The following PZP variants were observed in gnomAD, a reference collection of about 807,000 sequenced individuals.
The protein encoded by PZP is pregnancy zone protein.
In PZP, 150 loss-of-function variants were observed where a neutral mutation model predicts 179.8. The ratio of observed to expected loss-of-function variants is 0.83; its 90% CI spans 0.73 to 0.96. The LOEUF (loss-of-function observed/expected upper bound fraction) is 0.96, where lower values mean the gene tolerates loss of function less well. PZP is among the 40% of genes least tolerant of loss of function. The pLI, the probability that PZP is intolerant of heterozygous loss-of-function variation, is 0.00. For synonymous variants in PZP, 624 were observed against 652.3 expected, an observed-to-expected ratio of 0.96 and a Z score of 0.66; for missense variants, 1,689 against 1,764.0, an observed-to-expected ratio of 0.96 and a Z score of 0.76.
In PZP at chr12:9,166,924, T is replaced by G. The variant is rs760294271; in HGVS notation, c.2108-722A>C. 1.4e-3 allele frequency: 211 copies of G among 152,282 alleles called. 1 individual carries two copies. The highest frequency in any genetic ancestry group is 4.7e-3 in the African/African-American group (195 of 41,566). 9.4% of individuals were successfully genotyped at this position (152,282 alleles called of 1,614,324 possible). ...CTTACTAATTGAATTTGATTTAAGA[T>G]CTCCCTCCATGTATCCCATCTGATA... On this transcript the variant is annotated intron_variant, in intron 17 of 35. Coordinates refer to ENST00000261336, the MANE Select transcript of PZP (RefSeq NM_002864.3).
chr12:9,158,405 T>A lies in PZP; in HGVS notation c.3294+15A>T. On this transcript the variant is annotated intron_variant, in intron 26 of 35. Coordinates refer to ENST00000261336, the MANE Select transcript of PZP (RefSeq NM_002864.3). ...TTGATGTGTGTCAGGCTCAGAAGTT[T>A]GTGGAACAGTTCACCTTTATGGCAT... The A allele has an allele frequency of 6.2e-7, 1 of 1,613,906 alleles. No individual in the cohort carries two copies. Among genetic ancestry groups the A allele is most frequent in the Non-Finnish European group, 8.5e-7 (1 of 1,179,860 alleles).
chr12:9,142,196 T>A, the PZP span, among the ~76,000 whole-genome samples: 3 of 152,216 alleles, frequency 2.0e-5, no homozygotes. Flanking sequence ...CAAAGCAAAC[T>A]TCCTTCATGT....
intron 13 of PZP, among the ~76,000 whole-genome samples, chr12:9,184,904 GA>G (rs369056829): frequency 7.7e-4 from 117 of 152,236 alleles, no homozygotes; most frequent in African/African-American, 2.8e-3. Context: ...CAAGGTCATC[GA>G]ATAGGATAAA....
intron 32 of PZP, 27 bp downstream of exon 32, chr12:9,152,193 A>C (rs1264653993): frequency 6.8e-7 from 1 of 1,464,084 alleles, no homozygotes; most frequent in Non-Finnish European, 9.6e-7. Context: ...TTTTGTATGA[A>C]GTCTATTAGG....
chr12:9,155,320 C>G (rs1726040944), intron 28 of PZP, among the ~76,000 whole-genome samples: 1 of 152,004 alleles, frequency 6.6e-6, no homozygotes, highest in African/African-American at 2.4e-5. Context: ...CCAACTGAAT[C>G]AGTCCGTTTT....
the PZP span, among the ~76,000 whole-genome samples, chr12:9,137,218 T>C: frequency 6.6e-6 from 1 of 152,188 alleles, no homozygotes; most frequent in African/African-American, 2.4e-5. Context: ...TGGTGTAAGA[T>C]AAACATCAAA....
the PZP span, among the ~76,000 whole-genome samples, chr12:9,137,138 C>T: frequency 6.6e-6 from 1 of 152,018 alleles, no homozygotes. Flanking sequence ...TTTATTTTTT[C>T]TTATATCAGT....
chr12:9,156,771 G>C (rs1940785035), intron 28 of PZP, among the ~76,000 whole-genome samples: 1 of 152,156 alleles, frequency 6.6e-6, no homozygotes, highest in Non-Finnish European at 1.5e-5. Flanking sequence ...AGGAATTACA[G>C]ATGAAGCTTG....
Position 9,182,132 on chromosome 12 carries a change from G to GAGTGATACAAAATGGTCATA in PZP, c.1547-16_1547-15insTATGACCATTTTGTATCACT. On this transcript the variant is annotated splice_polypyrimidine_tract_variant and intron_variant, in intron 13 of 35. Coordinates refer to ENST00000261336, the MANE Select transcript of PZP (RefSeq NM_002864.3). Reference sequence around the variant, plus strand: ...ACTGCCTTTCACTGGAACATGGAGAGAGTGAGACAAAATGGTCATAAGTGA... The same window carrying GAGTGATACAAAATGGTCATA: ...ACTGCCTTTCACTGGAACATGGAGAGAGTGATACAAAATGGTCATAAGTGAGACAAAATGGTCATAAGTGA... The GAGTGATACAAAATGGTCATA allele has an allele frequency of 6.4e-7, 1 of 1,554,332 alleles. No homozygotes were observed. Among genetic ancestry groups the GAGTGATACAAAATGGTCATA allele is most frequent in the Non-Finnish European group, 8.7e-7 (1 of 1,146,646 alleles).
At position 9,153,133 on chromosome 12, in the gene PZP, A is replaced by T; in HGVS notation, c.3985T>A (p.Tyr1329Asn). The T allele has an allele frequency of 1.2e-6, 2 of 1,614,018 alleles. No homozygotes were observed. Among genetic ancestry groups the T allele is most frequent in the Non-Finnish European group, 1.7e-6 (2 of 1,179,842 alleles). Residue 1329 changes from tyrosine (Y) to asparagine (N), a missense_variant, in exon 30 of 36, where the codon TAT (tyrosine) becomes AAT (asparagine). This residue lies in a region of PZP where 746 missense variants were observed against 749.2 expected (regional missense o/e 1.00). Coordinates refer to ENST00000261336, the MANE Select transcript of PZP (RefSeq NM_002864.3). ...TAAGCTTGGAGCCCTACCTGAAGAT[A>T]CACACATCTTTCCCCAGTTACTGTT... ...VITVTGERCV[Y>N]LQTSMKYNIL...
Position 9,160,492 on chromosome 12 carries a change from T to G in PZP, c.2873-2A>C, listed in dbSNP as rs1203080909. ...GCATAGCAGAACCTAATATGTCACC[T>G]GGGGAATGTGAAAGATTAGATGTCA... On this transcript the variant is annotated splice_acceptor_variant, in intron 23 of 35. Transcript: ENST00000261336. LOFTEE classifies it high-confidence loss of function. 2 of 1,608,642 alleles carry G rather than the reference T, an allele frequency of 1.2e-6. No individual in the cohort carries two copies. Among genetic ancestry groups the G allele is most frequent in the African/African-American group, 1.3e-5 (1 of 74,700 alleles).
chr12:9,192,773 T>A, intron 11 of PZP, 34 bp from the exon 12 acceptor site: 1 of 1,432,206 alleles, frequency 7.0e-7, no homozygotes, highest in Non-Finnish European at 9.8e-7. Context: ...AAGAATACTG[T>A]CTTGAAATTC....
rs139015185 is a variant in PZP, at chr12:9,207,647, A to G, written c.83+612T>C. Among the ~76,000 whole-genome samples, 552 of 152,316 alleles carry G rather than the reference A, an allele frequency of 3.6e-3. 2 individuals are homozygous for G. Among genetic ancestry groups the G allele is most frequent in the Non-Finnish European group, 5.2e-3 (352 of 68,034 alleles). ...AGAAGTCAGACTGACAGTAGCCAAG[A>G]AGGACGGAGAACTTTGAGACCAAGG... On this transcript the variant is annotated intron_variant, in intron 1 of 35. Coordinates refer to ENST00000261336, the MANE Select transcript of PZP (RefSeq NM_002864.3).
chr12:9,156,814 G>A (rs758121377), intron 28 of PZP, among the ~76,000 whole-genome samples: 1 of 152,216 alleles, frequency 6.6e-6, no homozygotes, highest in East Asian at 1.9e-4. Context: ...TCTTCTTTTT[G>A]TAGAATCAGT....
chr12:9,156,332 A>G (rs1592447986), intron 28 of PZP: 2 of 207,084 alleles, frequency 9.7e-6, no homozygotes, highest in South Asian at 1.0e-4. Flanking sequence ...CCTACTGACC[A>G]TCTTCCCCTC....
At chr12:9,192,382 T>C (rs1565657954) in intron 12 of PZP, 126 bp from the exon 13 acceptor site, 7 of 1,279,454 alleles carry the variant, frequency 5.5e-6, no homozygotes, top group East Asian at 2.4e-5. Flanking sequence ...AGAAAACTCA[T>C]GGAATGAAGG....
At chr12:9,139,737 T>C in the PZP span, among the ~76,000 whole-genome samples, 9 of 152,128 alleles carry the variant, frequency 5.9e-5, no homozygotes, top group African/African-American at 1.9e-4. Context: ...CTGATATAAG[T>C]GTAGCCACTC....
chr12:9,163,842 C>T, intron 20 of PZP, 53 bp from the exon 21 acceptor site: 1 of 1,566,514 alleles, frequency 6.4e-7, no homozygotes, highest in Non-Finnish European at 8.6e-7. Context: ...GTCCAATCAC[C>T]TTTAAGGGCT....
chr12:9,169,804 T>C (rs982850551), intron 15 of PZP: 12 of 418,416 alleles, frequency 2.9e-5, no homozygotes, highest in South Asian at 2.6e-4. Flanking sequence ...TTCCAAAGAT[T>C]AACAAAATCT....
Sources: gnomAD v4.1 joint callset for allele counts (sites outside exome capture counted in the v4.1 genomes callset) on GRCh38, gnomAD v4.1.1 for gene constraint, gnomAD v4.1.1 regional missense constraint, MANE v1.5 for transcripts, NCBI Gene and HGNC (gene_info 2026-07-23, HGNC 2026-07-21) for gene names.